NCOA3: variants seen among roughly 807,000 people sequenced by gnomAD.
NCOA3 encodes the protein CBP-interacting protein.
Under a neutral mutation model 158.8 loss-of-function variants are expected in NCOA3, and 51 were observed. The ratio of observed to expected loss-of-function variants is 0.32; its 90% CI spans 0.26 to 0.41. The LOEUF is 0.41. NCOA3 is among the 10% of genes least tolerant of loss of function. The pLI, the probability that NCOA3 is intolerant of heterozygous loss-of-function variation, is 1.00. For missense variants in NCOA3, 1,510 were observed against 1,746.6 expected, an observed-to-expected ratio of 0.86 and a Z score of 2.41; for synonymous variants, 537 against 592.4, an observed-to-expected ratio of 0.91 and a Z score of 1.36.
At position 47,581,136 on chromosome 20, in the gene NCOA3, G is replaced by A. The variant is rs371312537; in HGVS notation, c.-98-2047G>A. The stretch of plus-strand genomic sequence containing the variant: ...AAAAGAAAAAAGCTACAACTTTGGT[G>A]CACAAAATTATTAAAAATATTATAT... On this transcript the variant is annotated intron_variant, in intron 1 of 22. Transcript: ENST00000371998. Among the ~76,000 whole-genome samples, 9 of 151,976 alleles carry A rather than the reference G, an allele frequency of 5.9e-5. No individual in the cohort carries two copies. The East Asian group carries it at 1.5e-3, about 26-fold the overall frequency.
intron 2 of NCOA3, among the ~76,000 whole-genome samples, chr20:47,607,672 A>G (rs984755229): frequency 1.3e-5 from 2 of 152,216 alleles, no homozygotes; most frequent in Non-Finnish European, 2.9e-5. Context: ...TAGAACTCAG[A>G]TAGGGTAGAG....
At chr20:47,579,073 T>C (rs934113574) in intron 1 of NCOA3, among the ~76,000 whole-genome samples, 2 of 152,216 alleles carry the variant, frequency 1.3e-5, no homozygotes, top group East Asian at 1.9e-4. Flanking sequence ...AGACTAGCTA[T>C]TAACAAGGCT....
chr20:47,538,823 C>G (rs544680844), intron 1 of NCOA3, among the ~76,000 whole-genome samples: 1 of 152,192 alleles, frequency 6.6e-6, no homozygotes, highest in Non-Finnish European at 1.5e-5. Flanking sequence ...GGATTTCAGG[C>G]GTAAGCCACT....
chr20:47,521,058 G>A (rs1194681400), intron 1 of NCOA3, among the ~76,000 whole-genome samples: 2 of 152,290 alleles, frequency 1.3e-5, no homozygotes, highest in Non-Finnish European at 2.9e-5. Flanking sequence ...CGGCTCCCAC[G>A]GCTTCTCCTT....
rs996467860 is a variant in NCOA3 at position 47,555,496 on chromosome 20, T to C, written c.-98-27687T>C. Among the ~76,000 whole-genome samples, 6 of 149,952 alleles carry C rather than the reference T, an allele frequency of 4.0e-5. No homozygotes were observed. The South Asian group carries it at 1.0e-3, about 26-fold the overall frequency. On this transcript the variant is annotated intron_variant, in intron 1 of 22. Transcript: ENST00000371998. ...CCATAATTCCATTGTCAGTATTCTG[T>C]GTAGTAAAATTTGGATTATCTTCAA... is the stretch of plus-strand genomic sequence containing the variant.
chr20:47,583,457 AACTGAGG>A (rs11469560), intron 2 of NCOA3, among the ~76,000 whole-genome samples, 196 bp downstream of exon 2: 8,008 of 152,242 alleles, frequency 0.053, 246 homozygotes, highest in Middle Eastern at 0.075. Context: ...GCCCTTGAAC[AACTGAGG>A]ACTGGGGACA....
chr20:47,578,454 A>G (rs1361794174), intron 1 of NCOA3, among the ~76,000 whole-genome samples: 2 of 152,262 alleles, frequency 1.3e-5, no homozygotes, highest in Admixed American at 1.3e-4. Context: ...CCAAAATGCT[A>G]GGATTACAGG....
At chr20:47,529,557 C>T (rs545578729) in intron 1 of NCOA3, among the ~76,000 whole-genome samples, 14 of 152,278 alleles carry the variant, frequency 9.2e-5, no homozygotes, top group African/African-American at 7.2e-5. Flanking sequence ...GGACCACAAG[C>T]GCATGCCACC....
chr20:47,570,004 C>T (rs1371440695), intron 1 of NCOA3, among the ~76,000 whole-genome samples: 2 of 150,350 alleles, frequency 1.3e-5, no homozygotes, highest in Admixed American at 6.6e-5. Flanking sequence ...AGTGAGACTC[C>T]GTCTCAAAAA....
intron 2 of NCOA3, among the ~76,000 whole-genome samples, chr20:47,592,329 G>A (rs2085657785): frequency 6.6e-6 from 1 of 152,194 alleles, no homozygotes; most frequent in South Asian, 2.1e-4. Flanking sequence ...ACAGGTGTGA[G>A]CCACCAGGCC....
chr20:47,600,110 T>TGTGTGTG (rs2085832889), intron 2 of NCOA3, among the ~76,000 whole-genome samples: 5 of 143,036 alleles, frequency 3.5e-5, no homozygotes, highest in African/African-American at 1.3e-4. Context: ...CTCACTTCCT[T>TGTGTGTG]TGTGTGTGTG....
intron 1 of NCOA3, among the ~76,000 whole-genome samples, chr20:47,565,075 G>A (rs1251835623): frequency 3.3e-5 from 5 of 152,058 alleles, no homozygotes; most frequent in African/African-American, 1.2e-4. Flanking sequence ...TCTGCCTCGT[G>A]GGTTCAAGCA....
At chr20:47,610,110 A>G (rs2086020021) in intron 2 of NCOA3, among the ~76,000 whole-genome samples, 1 of 152,084 alleles carries the variant, frequency 6.6e-6, no homozygotes, top group African/African-American at 2.4e-5. Context: ...TTTGATATAT[A>G]TTTTCTTATT....
intron 1 of NCOA3, among the ~76,000 whole-genome samples, chr20:47,531,339 TCAAACAAA>T (rs10664468): frequency 8.6e-4 from 129 of 150,574 alleles, no homozygotes; most frequent in African/African-American, 2.8e-3. Flanking sequence ...CGAGACTATC[TCAAACAAA>T]CAAACAAACA....
At chr20:47,626,208 C>T (rs2086319247) in intron 5 of NCOA3, among the ~76,000 whole-genome samples, 2 of 152,222 alleles carry the variant, frequency 1.3e-5, no homozygotes, top group Non-Finnish European at 2.9e-5. Context: ...GGCTGAAGCC[C>T]TTCATAAAGT....
intron 2 of NCOA3, among the ~76,000 whole-genome samples, chr20:47,611,620 C>T (rs147150263): frequency 1.2e-4 from 18 of 152,112 alleles, no homozygotes; most frequent in African/African-American, 3.9e-4. Flanking sequence ...GGCGAAACCC[C>T]GACTCTACTA....
intron 2 of NCOA3, among the ~76,000 whole-genome samples, chr20:47,593,239 T>TA (rs969097897): frequency 2.7e-5 from 4 of 149,798 alleles, no homozygotes; most frequent in Admixed American, 6.7e-5. Flanking sequence ...GGCCACCACA[T>TA]ACGTTTTAAA....
intron 3 of NCOA3, 23 bp downstream of exon 3, chr20:47,622,353 CT>C: frequency 1.4e-6 from 2 of 1,426,226 alleles, no homozygotes; most frequent in South Asian, 1.3e-5. Flanking sequence ...TTTCCTGGTG[CT>C]TTACCACACT....
At chr20:47,552,705 T>C (rs1272645738) in intron 1 of NCOA3, among the ~76,000 whole-genome samples, 2 of 152,206 alleles carry the variant, frequency 1.3e-5, no homozygotes, top group African/African-American at 4.8e-5. Flanking sequence ...TAAAGGTTTT[T>C]GTTGTTTTTA....
Sources: allele counts gnomAD v4.1 joint callset (sites outside exome capture counted in the v4.1 genomes callset), GRCh38; gene constraint gnomAD v4.1.1; transcripts MANE v1.5; gene names NCBI Gene and HGNC (gene_info 2026-07-23, HGNC 2026-07-21).